OXCT1: variants seen among roughly 807,000 people sequenced by gnomAD.
The protein encoded by OXCT1 is 3-oxoacid CoA-transferase 1, also known as succinyl-CoA:3-ketoacid coenzyme A transferase 1, mitochondrial.
A neutral mutation model predicts 69.6 loss-of-function variants in OXCT1; 27 were observed. That is an observed-to-expected ratio of 0.39 (90% CI 0.29 to 0.54). The LOEUF (loss-of-function observed/expected upper bound fraction) is 0.54. Ranked by LOEUF, OXCT1 falls within the 20% of genes least tolerant of loss-of-function variation. The pLI, the probability that OXCT1 is intolerant of heterozygous loss-of-function variation, is 0.72. For synonymous variants in OXCT1, 202 were observed against 217.8 expected, an observed-to-expected ratio of 0.93 and a Z score of 0.64; for missense variants, 437 against 650.2, an observed-to-expected ratio of 0.67 and a Z score of 3.57.
At chr5:41,839,894 C>T (rs901504221) in intron 7 of OXCT1, among the ~76,000 whole-genome samples, 11 of 152,156 alleles carry the variant, frequency 7.2e-5, no homozygotes, top group African/African-American at 2.7e-4. Context: ...ACCAAAATGG[C>T]ACGGTTTTGG....
rs367735060 is a variant in OXCT1, at chr5:41,869,365, G to T, written c.78+916C>A. On this transcript the variant is annotated intron_variant, in intron 1 of 16. Coordinates refer to ENST00000196371, the MANE Select transcript of OXCT1 (RefSeq NM_000436.4). The stretch of plus-strand genomic sequence containing the variant: ...GAGGCTCCCGCGATTGAGACGGCGG[G>T]GATAAAGCCACCCTCCTGGACCTGG... Among the ~76,000 whole-genome samples, 51 of 152,288 alleles carry T rather than the reference G, an allele frequency of 3.3e-4. No homozygotes were observed. The South Asian group carries it at 8.5e-3, about 25-fold the overall frequency.
intron 3 of OXCT1, among the ~76,000 whole-genome samples, chr5:41,858,465 AG>A (rs1749556585): frequency 6.6e-6 from 1 of 152,214 alleles, no homozygotes; most frequent in South Asian, 2.1e-4. Context: ...ACCTTCAAAA[AG>A]ATGGGTGCTT....
chr5:41,791,633 A>T (rs1745920997), intron 13 of OXCT1, among the ~76,000 whole-genome samples: 1 of 152,216 alleles, frequency 6.6e-6, no homozygotes, highest in South Asian at 2.1e-4. Flanking sequence ...GAAGGGAAGA[A>T]GATATTTAAC....
chr5:41,766,673 T>C (rs897337571), intron 13 of OXCT1, among the ~76,000 whole-genome samples: 2 of 151,670 alleles, frequency 1.3e-5, no homozygotes, highest in East Asian at 3.9e-4. Context: ...TGCATTTGAA[T>C]GGTTCTGTGA....
intron 13 of OXCT1, among the ~76,000 whole-genome samples, chr5:41,776,612 T>G (rs1745135641): frequency 6.6e-6 from 1 of 152,234 alleles, no homozygotes; most frequent in South Asian, 2.1e-4. Context: ...AATGAATCTG[T>G]GCTTTGTTCA....
chr5:41,854,241 T>TA (rs1319823575), intron 3 of OXCT1, among the ~76,000 whole-genome samples: 13 of 152,212 alleles, frequency 8.5e-5, no homozygotes, highest in Non-Finnish European at 1.2e-4. Context: ...CTGTATCTGT[T>TA]AAATTATATA....
intron 1 of OXCT1, among the ~76,000 whole-genome samples, chr5:41,867,615 T>C (rs1312877850): frequency 6.6e-6 from 1 of 152,180 alleles, no homozygotes; most frequent in East Asian, 1.9e-4. Context: ...TTAAGCACAG[T>C]GATAGAAGAA....
At chr5:41,771,294 A>G (rs142866923) in intron 13 of OXCT1, among the ~76,000 whole-genome samples, 1 of 152,342 alleles carries the variant, frequency 6.6e-6, no homozygotes, top group East Asian at 1.9e-4. Flanking sequence ...CATTAATTAT[A>G]CAAGGTAATT....
chr5:41,788,398 C>G (rs1036845562), intron 13 of OXCT1, among the ~76,000 whole-genome samples: 1 of 152,070 alleles, frequency 6.6e-6, no homozygotes, highest in African/African-American at 2.4e-5. Flanking sequence ...ATGGTCTAAA[C>G]CTCCAATTAT....
chr5:41,735,938 C>T (rs537409583), intron 16 of OXCT1, among the ~76,000 whole-genome samples: 64 of 152,280 alleles, frequency 4.2e-4, no homozygotes, highest in African/African-American at 1.5e-3. Context: ...TTGTGGGAGG[C>T]CTGGGTTTCT....
At chr5:41,860,055 T>A (rs2112468301) in intron 3 of OXCT1, among the ~76,000 whole-genome samples, 1 of 151,860 alleles carries the variant, frequency 6.6e-6, no homozygotes, top group Admixed American at 6.6e-5. Context: ...TCTGGAAAAC[T>A]GAAAGTGCTG....
At position 41,850,657 on chromosome 5, in the gene OXCT1, A is replaced by G. The variant is rs142674445; in HGVS notation, c.415-478T>C. ...TTAAACCATTTTCATAAATATTTTTATCTACAAATCGTCTAAGAAAAAAAA... is the reference window on the plus strand; with the variant it reads ...TTAAACCATTTTCATAAATATTTTTGTCTACAAATCGTCTAAGAAAAAAAA... On this transcript the variant is annotated intron_variant, in intron 4 of 16. Coordinates refer to ENST00000196371, the MANE Select transcript of OXCT1 (RefSeq NM_000436.4). Among the ~76,000 whole-genome samples, 715 of 152,268 alleles carry G rather than the reference A, an allele frequency of 4.7e-3. 4 individuals carry two copies. Among genetic ancestry groups the G allele is most frequent in the Middle Eastern group, 0.014 (4 of 294 alleles).
chr5:41,836,748 C>G (rs1051238667), intron 7 of OXCT1, among the ~76,000 whole-genome samples: 5 of 152,120 alleles, frequency 3.3e-5, no homozygotes, highest in African/African-American at 1.2e-4. Flanking sequence ...AGGCAGAGCT[C>G]AGGCAGTAAT....
intron 7 of OXCT1, among the ~76,000 whole-genome samples, chr5:41,808,894 A>G (rs989740065): frequency 6.6e-6 from 1 of 152,082 alleles, no homozygotes; most frequent in Admixed American, 6.6e-5. Flanking sequence ...GACTTTAAAA[A>G]TGTGTTTATA....
chr5:41,755,669 T>C (rs1443533374), intron 14 of OXCT1, among the ~76,000 whole-genome samples: 2 of 152,092 alleles, frequency 1.3e-5, no homozygotes, highest in African/African-American at 4.8e-5. Context: ...ATAATTCTTC[T>C]CCACAAAAAG....
intron 16 of OXCT1, among the ~76,000 whole-genome samples, chr5:41,733,349 C>A (rs565711761): frequency 6.6e-6 from 1 of 151,214 alleles, no homozygotes; most frequent in East Asian, 1.9e-4. Flanking sequence ...TGGGTTCAAG[C>A]GATTCTCCTG....
At chr5:41,840,399 CTTAACATCAAGTTAAATAA>C (rs896654477) in intron 7 of OXCT1, 33 bp downstream of exon 7, 4 of 1,293,724 alleles carry the variant, frequency 3.1e-6, no homozygotes, top group Non-Finnish European at 4.5e-6. Context: ...TGAATTAATA[CTTAACATCAAGTTAAATAA>C]TTAACACCAA....
At chr5:41,769,905 C>A (rs755034848) in intron 13 of OXCT1, among the ~76,000 whole-genome samples, 1 of 152,064 alleles carries the variant, frequency 6.6e-6, no homozygotes, top group South Asian at 2.1e-4. Context: ...GTTACAGGCA[C>A]GCGCCCACCA....
At chr5:41,854,255 T>C (rs1250329139) in intron 3 of OXCT1, among the ~76,000 whole-genome samples, 1 of 152,194 alleles carries the variant, frequency 6.6e-6, no homozygotes, top group African/African-American at 2.4e-5. Flanking sequence ...TTATATATAC[T>C]ATAGTTTAAT....
Sources: gnomAD v4.1 joint callset for allele counts (sites outside exome capture counted in the v4.1 genomes callset) on GRCh38, gnomAD v4.1.1 for gene constraint, MANE v1.5 for transcripts, NCBI Gene and HGNC (gene_info 2026-07-23, HGNC 2026-07-21) for gene names.